Variants in FOXP1 observed in about 807,000 individuals in gnomAD.
FOXP1 encodes forkhead box P1.
A neutral mutation model predicts 98.2 loss-of-function variants in FOXP1; 15 were observed. The ratio of observed to expected loss-of-function variants is 0.15; its 90% CI spans 0.10 to 0.24. FOXP1 has a LOEUF of 0.24. FOXP1 is among the 10% of genes least tolerant of loss of function. The pLI, the probability that FOXP1 is intolerant of heterozygous loss-of-function variation, is 1.00. For synonymous variants in FOXP1, 371 were observed against 314.5 expected (o/e 1.18, Z -1.90); for missense variants, 633 against 848.5 (o/e 0.75, Z 3.15).
At chr3:71,561,209 A>G (rs2046506475) in intron 2 of FOXP1, among the ~76,000 whole-genome samples, 1 of 151,928 alleles carries the variant, frequency 6.6e-6, no homozygotes, top group African/African-American at 2.4e-5. Context: ...GGCATGCACC[A>G]CCACGCCCGG....
At chr3:71,288,566 T>C (rs1283532461) in intron 5 of FOXP1, 1 of 152,238 alleles carries the variant, frequency 6.6e-6, no homozygotes. Context: ...CTTCAGATGA[T>C]TACAATCGAC....
Position 70,956,228 on chromosome 3 carries a change from C to CAACATATGTT in FOXP1, c.*3018_*3019insAACATATGTT, listed in dbSNP as rs1439381613. ...AAGACAAAGATTCACACAGACACAT[C>CAACATATGTT]GGGATATATGTACAACGTAATAAAC... is the stretch of plus-strand genomic sequence containing the variant. On this transcript the variant is annotated 3_prime_UTR_variant, in exon 21 of 21. Transcript: ENST00000649528. The CAACATATGTT allele has an allele frequency of 8.6e-6, 2 of 233,242 alleles. No homozygotes were observed. The highest frequency in any genetic ancestry group is 2.2e-5 in the African/African-American group (1 of 45,284). 14.4% of individuals were successfully genotyped at this position (233,242 alleles called of 1,614,324 possible).
At position 71,175,001 on chromosome 3, in the gene FOXP1, C is replaced by T. The variant is rs1196705676; in HGVS notation, c.180+23201G>A. Among the ~76,000 whole-genome samples the T allele has an allele frequency of 8.6e-5, 13 of 151,812 alleles. No individual in the cohort carries two copies. In the East Asian group the frequency reaches 2.5e-3, roughly 30 times the overall value. On this transcript the variant is annotated intron_variant, in intron 6 of 20. Coordinates refer to ENST00000649528, the MANE Select transcript of FOXP1 (RefSeq NM_001349338.3). ...TGATCTCAGCTCACTGCAACCTCCG[C>T]CCCCGGGTTCAAGCCATTCTCCTGC...
intron 14 of FOXP1, among the ~76,000 whole-genome samples, chr3:70,983,089 G>A (rs987595794): frequency 2.0e-5 from 3 of 152,174 alleles, no homozygotes; most frequent in African/African-American, 7.2e-5. Flanking sequence ...CTGGAGGGAC[G>A]TTACCAGGCC....
intron 5 of FOXP1, among the ~76,000 whole-genome samples, chr3:71,270,064 AG>A (rs1277009767): frequency 6.6e-6 from 1 of 152,226 alleles, no homozygotes; most frequent in Non-Finnish European, 1.5e-5. Context: ...CTCTGAAGCC[AG>A]CAAAGTACAT....
At chr3:71,576,492 G>T (rs997042058) in intron 2 of FOXP1, among the ~76,000 whole-genome samples, 1 of 152,312 alleles carries the variant, frequency 6.6e-6, no homozygotes, top group Admixed American at 6.5e-5. Flanking sequence ...TACAGGGCTT[G>T]ACAGTACTTC....
intron 1 of FOXP1, chr3:71,582,251 G>A (rs927922475): frequency 6.0e-5 from 59 of 985,180 alleles, no homozygotes; most frequent in Non-Finnish European, 2.0e-5. Flanking sequence ...AAAGAAGAAG[G>A]AATCTAAGTT....
intron 6 of FOXP1, among the ~76,000 whole-genome samples, chr3:71,185,160 T>C (rs1158158011): frequency 6.6e-6 from 1 of 151,920 alleles, no homozygotes; most frequent in African/African-American, 2.4e-5. Context: ...GCCATTGCAC[T>C]CTAGACTGGA....
intron 9 of FOXP1, among the ~76,000 whole-genome samples, chr3:71,049,792 A>T: frequency 6.6e-6 from 1 of 151,874 alleles, no homozygotes; most frequent in East Asian, 1.9e-4. Context: ...CTACCGTGTG[A>T]CTCCATCTCA....
At chr3:71,019,822 G>A (rs915787381) in intron 11 of FOXP1, among the ~76,000 whole-genome samples, 4 of 148,160 alleles carry the variant, frequency 2.7e-5, no homozygotes, top group African/African-American at 1.0e-4. Context: ...AGATGACAGA[G>A]CGAGACACGG....
chr3:71,549,139 A>G lies in FOXP1; in HGVS notation c.-298+32410T>C, dbSNP rs567773518. Among the ~76,000 whole-genome samples, 6 of 152,240 alleles carry G rather than the reference A, an allele frequency of 3.9e-5. No individual in the cohort carries two copies. The East Asian group carries it at 5.8e-4, about 15-fold the overall frequency. ...TATTGGGTTTTCAAGGTTAATATTA[A>G]CTTAATGAGACTTATGCACTGACTC... On this transcript the variant is annotated intron_variant, in intron 2 of 20. Transcript: ENST00000649528.
intron 3 of FOXP1, among the ~76,000 whole-genome samples, chr3:71,380,925 T>G (rs976698922): frequency 6.6e-6 from 1 of 152,118 alleles, no homozygotes; most frequent in Non-Finnish European, 1.5e-5. Context: ...ATGATTAATG[T>G]TTTTAAAACA....
chr3:71,287,886 T>C (rs1576781016), intron 5 of FOXP1, among the ~76,000 whole-genome samples: 1 of 152,230 alleles, frequency 6.6e-6, no homozygotes, highest in South Asian at 2.1e-4. Context: ...CTTCTTCATA[T>C]ATATATATTT....
At chr3:71,581,739 C>T (rs1327438781) in intron 1 of FOXP1, 42 bp from the exon 2 acceptor site, 25 of 985,650 alleles carry the variant, frequency 2.5e-5, no homozygotes, top group Admixed American at 6.1e-5. Flanking sequence ...AGCAAGTCTT[C>T]CCCGTGCAGG....
chr3:71,177,840 C>CTG (rs781703505), intron 6 of FOXP1, among the ~76,000 whole-genome samples: 1 of 114,942 alleles, frequency 8.7e-6, no homozygotes, highest in African/African-American at 3.5e-5. Context: ...TTCTTTCTTT[C>CTG]TTTTTTTTTT....
intron 12 of FOXP1, among the ~76,000 whole-genome samples, chr3:71,014,926 G>A (rs563232184): frequency 2.0e-5 from 3 of 151,788 alleles, no homozygotes; most frequent in Non-Finnish European, 4.4e-5. Flanking sequence ...TCACACATAG[G>A]TGGGAATTGA....
In FOXP1 at chr3:71,267,280, C is replaced by A. The variant is rs150272998; in HGVS notation, c.-12+32540G>T. ...CAATGGAAGTGGCCCAGGTGTCTCT[C>A]CACTTTTGAGTGGTCCTTTTTTCTT... On this transcript the variant is annotated intron_variant, in intron 5 of 20. Coordinates refer to ENST00000649528, the MANE Select transcript of FOXP1 (RefSeq NM_001349338.3). Among the ~76,000 whole-genome samples the A allele has an allele frequency of 2.0e-4, 31 of 152,220 alleles. No homozygotes were observed. In the East Asian group the frequency reaches 5.6e-3, roughly 27 times the overall value.
At position 70,966,156 on chromosome 3, in the gene FOXP1, T is replaced by C. The variant is rs185135880; in HGVS notation, c.1723-100A>G. The stretch of plus-strand genomic sequence containing the variant: ...TCGATAATCTTCAGTTTGAGTTAAT[T>C]GTAGCATGGCTGGCAAATACAAGTT... On this transcript the variant is annotated intron_variant, in intron 19 of 20. Coordinates refer to ENST00000649528, the MANE Select transcript of FOXP1 (RefSeq NM_001349338.3). The C allele has an allele frequency of 3.7e-6, 4 of 1,087,634 alleles. No homozygotes were observed. In the East Asian group the frequency reaches 9.7e-5, roughly 26 times the overall value. 67.4% of individuals were successfully genotyped at this position (1,087,634 alleles called of 1,614,324 possible). A position where few individuals can be genotyped will look rare whatever the true frequency, so the allele number is the denominator to read the frequency against.
intron 10 of FOXP1, among the ~76,000 whole-genome samples, chr3:71,044,848 T>C (rs76479480): frequency 0.012 from 1,834 of 152,070 alleles, 32 homozygotes; most frequent in African/African-American, 0.034. Context: ...ACAAACAGAG[T>C]TGATCAACCT....
Sources: gnomAD v4.1 joint callset for allele counts (sites outside exome capture counted in the v4.1 genomes callset) on GRCh38, gnomAD v4.1.1 for gene constraint, MANE v1.5 for transcripts, NCBI Gene and HGNC (gene_info 2026-07-23, HGNC 2026-07-21) for gene names.